Variants in ACSM5 observed in about 807,000 individuals in gnomAD.
ACSM5 encodes acyl-coenzyme A synthetase ACSM5, mitochondrial.
ACSM5 carries 56 observed loss-of-function variants against 71.6 expected under a neutral mutation model. The observed-to-expected ratio is 0.78, with a 90% CI of 0.63 to 0.98. ACSM5 has a LOEUF of 0.98. ACSM5 is among the 50% of genes least tolerant of loss of function. The pLI is 0.00. For synonymous variants in ACSM5, 285 were observed against 281.5 expected, an observed-to-expected ratio of 1.01 and a Z score of -0.12; for missense variants, 723 against 726.0, an observed-to-expected ratio of 1.00 and a Z score of 0.05.
intron 4 of ACSM5, chr16:20,419,789 G>C: frequency 2.8e-6 from 1 of 351,268 alleles, no homozygotes; most frequent in African/African-American, 2.1e-5. Flanking sequence ...GGTACTTAGT[G>C]TATCGCTAGA....
chr16:20,417,815 AAACTATGG>A (rs1424141458), intron 2 of ACSM5, among the ~76,000 whole-genome samples: 1 of 152,226 alleles, frequency 6.6e-6, no homozygotes, highest in Non-Finnish European at 1.5e-5. Context: ...TTGCCTAAAG[AAACTATGG>A]AAGGATATGC....
rs1180270184 is a variant in ACSM5 at position 20,419,306 on chromosome 16, C to T, written c.494C>T (p.Ser165Phe). The change falls in exon 4 of 14, where the codon TCC becomes TTC. Residue 165 changes from serine (S) to phenylalanine (F), a missense_variant. Ser to Phe is a radical substitution (Grantham distance 155, BLOSUM62 -2). Coordinates refer to ENST00000331849, the MANE Select transcript of ACSM5 (RefSeq NM_017888.3). ...CGGCTGCAGGCGTCCAGGGCCAAGT[C>T]CATTATCACCAGTGACTCCCTAGCT... ...KYRLQASRAK[S>F]IITSDSLAPR... 2 of 1,614,136 alleles carry T rather than the reference C, an allele frequency of 1.2e-6. No individual in the cohort carries two copies. The highest frequency in any genetic ancestry group is 1.7e-6 in the Non-Finnish European group (2 of 1,180,024).
rs1377394919 is a variant in ACSM5, at chr16:20,440,603, C to T, written c.*176C>T. The T allele has an allele frequency of 3.3e-5, 20 of 607,762 alleles. 1 individual carries two copies. The highest frequency in any genetic ancestry group is 5.4e-5 in the Non-Finnish European group (18 of 335,264). 37.6% of individuals were successfully genotyped at this position (607,762 alleles called of 1,614,324 possible). On this transcript the variant is annotated 3_prime_UTR_variant, in exon 14 of 14. Transcript: ENST00000331849. ...AATGCTGGAAAGAGCAAAAGAATAT[C>T]ATTGGCCCTGATCACATAGATGCTG...
intron 12 of ACSM5, among the ~76,000 whole-genome samples, chr16:20,437,827 C>T: frequency 6.8e-6 from 1 of 147,768 alleles, no homozygotes; most frequent in Admixed American, 6.8e-5. Flanking sequence ...TAGGAGAAAT[C>T]CTTTTTTTTT....
At chr16:20,432,681 G>A (rs1371388465) in intron 10 of ACSM5, among the ~76,000 whole-genome samples, 1 of 152,004 alleles carries the variant, frequency 6.6e-6, no homozygotes, top group Non-Finnish European at 1.5e-5. Flanking sequence ...GTGTGGAGCA[G>A]GACTCTGGTA....
chr16:20,420,002 G>A (rs1249613302), intron 4 of ACSM5, among the ~76,000 whole-genome samples: 1 of 152,244 alleles, frequency 6.6e-6, no homozygotes, highest in Non-Finnish European at 1.5e-5. Flanking sequence ...GAAAACTAAA[G>A]TGACTTGCCC....
At chr16:20,424,147 G>T in intron 6 of ACSM5, 78 bp downstream of exon 6, 1 of 1,535,780 alleles carries the variant, frequency 6.5e-7, no homozygotes, top group South Asian at 1.2e-5. Context: ...CAGACTGCAG[G>T]AGAAAACACA....
At chr16:20,430,276 C>A (rs1211556882) in intron 8 of ACSM5, among the ~76,000 whole-genome samples, 2 of 151,454 alleles carry the variant, frequency 1.3e-5, no homozygotes. Context: ...AGTACTTTTA[C>A]AATTATACCA....
At position 20,439,844 on chromosome 16, in the gene ACSM5, T is replaced by C. The variant is rs536661406; in HGVS notation, c.1581T>C (p.His527=). ...FIVLTPAYSS[H]DPEALTRELQ... The stretch of plus-strand genomic sequence containing the variant: ...TCCTTACTCCAGCCTACTCCTCTCA[T>C]GACCCAGAGGCACTAACGCGGGAAC... Residue 527 remains histidine, a synonymous_variant, in exon 13 of 14, where the codon CAT becomes CAC. Coordinates refer to ENST00000331849, the MANE Select transcript of ACSM5 (RefSeq NM_017888.3). 1.9e-6 allele frequency: 3 copies of C among 1,611,194 alleles called. No individual in the cohort carries two copies. The highest frequency in any genetic ancestry group is 2.5e-6 in the Non-Finnish European group (3 of 1,177,704).
At chr16:20,427,002 T>G (rs141994459) in intron 6 of ACSM5, among the ~76,000 whole-genome samples, 7,997 of 143,940 alleles carry the variant, frequency 0.056, 53 homozygotes, top group East Asian at 0.14. Context: ...GCTGGAAAAT[T>G]GCTTAAAAGT....
Position 20,418,268 on chromosome 16 carries a change from A to T in ACSM5, c.414A>T (p.Thr138=). ...TGGTCAGTGTGGCTTGCATGCGGAC[A>T]GGTCAGTAAGCAGGGCTGGGAATTT... ...WWLVSVACMR[T]GTVMIPGVTQ... is the part of the protein sequence containing the mutation. Residue 138 remains threonine, a splice_region_variant and synonymous_variant, in exon 3 of 14, where the codon ACA becomes ACT. Coordinates refer to ENST00000331849, the MANE Select transcript of ACSM5 (RefSeq NM_017888.3). The T allele has an allele frequency of 6.2e-7, 1 of 1,607,058 alleles. No homozygotes were observed. The highest frequency in any genetic ancestry group is 8.5e-7 in the Non-Finnish European group (1 of 1,176,612).
chr16:20,422,664 C>T (rs1449570693), intron 5 of ACSM5, among the ~76,000 whole-genome samples: 2 of 152,100 alleles, frequency 1.3e-5, no homozygotes, highest in Admixed American at 1.3e-4. Flanking sequence ...TTTTTAAAGG[C>T]TCACTCAGGA....
At chr16:20,427,462 A>G (rs368363764) in intron 6 of ACSM5, among the ~76,000 whole-genome samples, 97 of 152,288 alleles carry the variant, frequency 6.4e-4, no homozygotes, top group South Asian at 1.5e-3. Flanking sequence ...CCCCAGAACA[A>G]GGGATCCAAG....
rs770816620 is a variant in ACSM5, at chr16:20,437,168, C to G, written c.1425C>G (p.Ile475Met). Residue 475 changes from isoleucine (I) to methionine (M), a missense_variant, in exon 11 of 14, where the codon ATC becomes ATG. Coordinates refer to ENST00000331849, the MANE Select transcript of ACSM5 (RefSeq NM_017888.3). Reference sequence around the variant, plus strand: ...TCATGGGAAGAAACGACGATGTGATCAATTCTTCAAGGTCAAGCTGTCTGC... The same window carrying G: ...TCATGGGAAGAAACGACGATGTGATGAATTCTTCAAGGTCAAGCTGTCTGC... ...FWFMGRNDDV[I>M]NSSSYRIGPV... 1.2e-6 allele frequency: 2 copies of G among 1,614,168 alleles called. No homozygotes were observed. The highest frequency in any genetic ancestry group is 2.7e-5 in the African/African-American group (2 of 75,036).
At chr16:20,427,158 G>A (rs370125493) in intron 6 of ACSM5, among the ~76,000 whole-genome samples, 20 of 151,942 alleles carry the variant, frequency 1.3e-4, no homozygotes, top group East Asian at 3.9e-4. Context: ...AAAATTAGCC[G>A]GGCCTGGTGG....
chr16:20,435,981 T>C lies in ACSM5; in HGVS notation c.1309-1071T>C, dbSNP rs116816059. On this transcript the variant is annotated intron_variant, in intron 10 of 13. Transcript: ENST00000331849. ...TTTCCTTCTTTCTTCCTTCCTTTTTTCTTTCTTTCTTTTCTTTCTCTTTCT... is the reference window on the plus strand; with the variant it reads ...TTTCCTTCTTTCTTCCTTCCTTTTTCCTTTCTTTCTTTTCTTTCTCTTTCT... 1.0e-2 allele frequency among the ~76,000 whole-genome samples: 1,503 copies of C among 150,980 alleles called. 20 individuals carry two copies. Among genetic ancestry groups the C allele is most frequent in the African/African-American group, 0.035 (1,419 of 40,998 alleles).
At position 20,424,061 on chromosome 16, in the gene ACSM5, A is replaced by G. The variant is rs1567343363; in HGVS notation, c.913A>G (p.Ile305Val). 1 of 1,614,102 alleles carries G rather than the reference A, an allele frequency of 6.2e-7. No individual in the cohort carries two copies. Among genetic ancestry groups the G allele is most frequent in the South Asian group, 1.1e-5 (1 of 91,074 alleles). ...HELPRVDAKVILNTLSKFPIT... is the reference protein window; with the variant it reads ...HELPRVDAKVVLNTLSKFPIT... ...GCTGCCCCGAGTTGATGCCAAAGTT[A>G]TCCTGAATGTAAGAGGAAAAACCAA... The change falls in exon 6 of 14, where the codon ATC becomes GTC. Residue 305 changes from isoleucine (I) to valine (V), a missense_variant. Transcript: ENST00000331849.
chr16:20,416,799 T>G (rs914443133), intron 2 of ACSM5, among the ~76,000 whole-genome samples: 3 of 152,090 alleles, frequency 2.0e-5, no homozygotes. Context: ...AAATCACATA[T>G]TGGTTAAGGG....
At chr16:20,421,206 T>C (rs1966877198) in intron 4 of ACSM5, 52 bp from the exon 5 acceptor site, 25 of 1,508,786 alleles carry the variant, frequency 1.7e-5, no homozygotes, top group Non-Finnish European at 2.1e-5. Context: ...TTATTGGTGC[T>C]ACTAACTGTT....
Sources: gnomAD v4.1 joint callset for allele counts (sites outside exome capture counted in the v4.1 genomes callset) on GRCh38, gnomAD v4.1.1 for gene constraint, MANE v1.5 for transcripts, NCBI Gene and HGNC (gene_info 2026-07-23, HGNC 2026-07-21) for gene names.